The following ARB2A variants were observed in gnomAD, a reference collection of about 807,000 sequenced individuals.
The protein encoded by ARB2A is ARB2 cotranscriptional regulator A, also known as cotranscriptional regulator ARB2A.
the ARB2A span, among the ~76,000 whole-genome samples, chr5:93,726,044 G>A: frequency 6.6e-6 from 1 of 152,062 alleles, no homozygotes; most frequent in African/African-American, 2.4e-5. Context: ...TGCTAACATT[G>A]AGGTCTATTT....
At chr5:93,758,013 A>G in the ARB2A span, among the ~76,000 whole-genome samples, 6 of 152,158 alleles carry the variant, frequency 3.9e-5, no homozygotes, top group Non-Finnish European at 2.9e-5. Context: ...CACCTAACAC[A>G]TAAGCACTCA....
the ARB2A span, among the ~76,000 whole-genome samples, chr5:94,086,378 T>C: frequency 6.6e-6 from 1 of 152,164 alleles, no homozygotes; most frequent in Non-Finnish European, 1.5e-5. Flanking sequence ...TCCTACCACC[T>C]AGTGACATCA....
At chr5:93,917,741 T>C in the ARB2A span, among the ~76,000 whole-genome samples, 96 of 152,078 alleles carry the variant, frequency 6.3e-4, 1 homozygote, top group African/African-American at 2.2e-3. Context: ...TAGCCACACA[T>C]GGCAGCACTC....
the ARB2A span, among the ~76,000 whole-genome samples, chr5:93,764,446 T>A: frequency 6.6e-6 from 1 of 152,152 alleles, no homozygotes; most frequent in Non-Finnish European, 1.5e-5. Flanking sequence ...CTAGAAAATC[T>A]AGAAGAAATG....
chr5:93,826,034 C>A, the ARB2A span, among the ~76,000 whole-genome samples: 1 of 151,982 alleles, frequency 6.6e-6, no homozygotes, highest in African/African-American at 2.4e-5. Flanking sequence ...TTTTTCCTAA[C>A]TTGCTAAACC....
the ARB2A span, chr5:93,618,491 C>T: frequency 2.0e-5 from 3 of 152,084 alleles, no homozygotes; most frequent in Non-Finnish European, 2.9e-5. Context: ...AAGATCAGAA[C>T]AAAAATATTG....
At chr5:93,717,486 A>G in the ARB2A span, among the ~76,000 whole-genome samples, 1 of 148,820 alleles carries the variant, frequency 6.7e-6, no homozygotes, top group African/African-American at 2.5e-5. Context: ...TTGGCTTTGG[A>G]ATCTTTAAAA....
At chr5:93,881,402 C>T in the ARB2A span, 1 of 1,149,754 alleles carries the variant, frequency 8.7e-7, no homozygotes, top group Non-Finnish European at 1.2e-6. Flanking sequence ...AAAAACAAAA[C>T]AATCTACATA....
At chr5:93,878,328 A>G in the ARB2A span, among the ~76,000 whole-genome samples, 2 of 152,132 alleles carry the variant, frequency 1.3e-5, no homozygotes, top group African/African-American at 2.4e-5. Flanking sequence ...GCTCTGTTGT[A>G]GGCTCTGGGA....
the ARB2A span, among the ~76,000 whole-genome samples, chr5:94,034,886 A>G: frequency 6.6e-6 from 1 of 152,198 alleles, no homozygotes; most frequent in African/African-American, 2.4e-5. Flanking sequence ...CAGTGGCAGC[A>G]TAATATTCTC....
the ARB2A span, among the ~76,000 whole-genome samples, chr5:93,731,352 C>T: frequency 2.0e-5 from 3 of 152,054 alleles, no homozygotes; most frequent in African/African-American, 4.8e-5. Flanking sequence ...AAAGATACAG[C>T]GAGAATACAG....
the ARB2A span, among the ~76,000 whole-genome samples, chr5:93,798,583 C>T: frequency 4.6e-5 from 7 of 152,020 alleles, no homozygotes; most frequent in African/African-American, 1.4e-4. Flanking sequence ...AATGGCATGG[C>T]TCCACCTGTA....
chr5:93,845,811 A>G, the ARB2A span, among the ~76,000 whole-genome samples: 2 of 152,230 alleles, frequency 1.3e-5, no homozygotes, highest in African/African-American at 4.8e-5. Context: ...AATCTAGAAC[A>G]TCCTATAGAC....
chr5:93,793,069 A>AT, the ARB2A span, among the ~76,000 whole-genome samples: 1 of 151,224 alleles, frequency 6.6e-6, no homozygotes, highest in Non-Finnish European at 1.5e-5. Context: ...GCATAGCTAG[A>AT]TTTTTTTATT....
At chr5:93,731,126 T>C in the ARB2A span, among the ~76,000 whole-genome samples, 1 of 152,020 alleles carries the variant, frequency 6.6e-6, no homozygotes, top group African/African-American at 2.4e-5. Context: ...TCCTCTACAG[T>C]AGGGGTAGTA....
the ARB2A span, among the ~76,000 whole-genome samples, chr5:94,085,358 A>G: frequency 6.6e-6 from 1 of 152,232 alleles, no homozygotes; most frequent in Non-Finnish European, 1.5e-5. Flanking sequence ...GAAGTTCTCA[A>G]TCAAGTTCAT....
chr5:94,031,505 A>G, the ARB2A span, among the ~76,000 whole-genome samples: 29 of 152,248 alleles, frequency 1.9e-4, no homozygotes, highest in Non-Finnish European at 3.4e-4. Context: ...AGCAGTTAGA[A>G]GTAACTTCTT....
At chr5:93,850,402 G>A in the ARB2A span, among the ~76,000 whole-genome samples, 111 of 152,290 alleles carry the variant, frequency 7.3e-4, 1 homozygote, top group African/African-American at 2.5e-3. Flanking sequence ...TGAGAAAGAC[G>A]TAGGTAGGTG....
chr5:93,778,219 T>C, the ARB2A span, among the ~76,000 whole-genome samples: 1 of 152,226 alleles, frequency 6.6e-6, no homozygotes, highest in Non-Finnish European at 1.5e-5. Flanking sequence ...AATGTAAGAG[T>C]AGAAACTATA....
Sources: gnomAD v4.1 joint callset for allele counts (sites outside exome capture counted in the v4.1 genomes callset) on GRCh38, gnomAD v4.1.1 for gene constraint, MANE v1.5 for transcripts, NCBI Gene and HGNC (gene_info 2026-07-23, HGNC 2026-07-21) for gene names.